Variants in NTM observed in about 807,000 individuals in gnomAD.
NTM encodes neurotrimin.
A neutral mutation model predicts 42.1 loss-of-function variants in NTM; 13 were observed. The observed-to-expected ratio is 0.31, with a 90% CI of 0.20 to 0.49. The LOEUF (loss-of-function observed/expected upper bound fraction) is 0.49. NTM is among the 20% of genes least tolerant of loss of function. The pLI is 0.99. For missense variants in NTM, 373 were observed against 452.8 expected, an observed-to-expected ratio of 0.82 and a Z score of 1.60; for synonymous variants, 187 against 179.2, an observed-to-expected ratio of 1.04 and a Z score of -0.35.
chr11:131,506,015 G>A (rs2047445902), intron 1 of NTM, among the ~76,000 whole-genome samples: 1 of 152,106 alleles, frequency 6.6e-6, no homozygotes, highest in Non-Finnish European at 1.5e-5. Flanking sequence ...AAGCCTGTTG[G>A]TGTTTCTGTC....
chr11:132,246,742 G>A (rs564708226), intron 4 of NTM, among the ~76,000 whole-genome samples: 3 of 152,168 alleles, frequency 2.0e-5, no homozygotes, highest in East Asian at 1.9e-4. Context: ...GTTATAGCTC[G>A]GGAAGGCATC....
rs151052783 is a variant in NTM, at chr11:132,003,442, C to T, written c.167+91794C>T. ...TAAATTTTATGTAGAGACAGACTGT[C>T]CTTATATTTCCCAGGCTGCTCTTGA... On this transcript the variant is annotated intron_variant, in intron 2 of 8. Coordinates refer to ENST00000683400, the MANE Select transcript of NTM (RefSeq NM_001352005.2). The surrounding 1 kb of genome is among the most constrained non-coding windows in gnomAD (Gnocchi z 6.0). Among the ~76,000 whole-genome samples, 55 of 152,092 alleles carry T rather than the reference C, an allele frequency of 3.6e-4. No homozygotes were observed. Among genetic ancestry groups the T allele is most frequent in the African/African-American group, 1.2e-3 (50 of 41,498 alleles).
At chr11:131,635,495 GATA>G (rs1308344551) in intron 1 of NTM, among the ~76,000 whole-genome samples, 1 of 152,166 alleles carries the variant, frequency 6.6e-6, no homozygotes, top group South Asian at 2.1e-4. Flanking sequence ...TATAAAGAAA[GATA>G]ATGTTTTTGT....
intron 1 of NTM, among the ~76,000 whole-genome samples, chr11:131,514,093 C>T (rs749047600): frequency 4.6e-5 from 7 of 152,052 alleles, no homozygotes; most frequent in Non-Finnish European, 8.8e-5. Flanking sequence ...TCGCTAATGT[C>T]CCAGGGGAGA....
At chr11:131,893,768 C>T (rs566372733) in intron 1 of NTM, among the ~76,000 whole-genome samples, 1 of 152,258 alleles carries the variant, frequency 6.6e-6, no homozygotes, top group South Asian at 2.1e-4. Flanking sequence ...CAATGGCCTC[C>T]AGGACCCAGG....
chr11:131,738,609 T>C (rs2080791932), intron 1 of NTM, among the ~76,000 whole-genome samples: 1 of 152,198 alleles, frequency 6.6e-6, no homozygotes, highest in Non-Finnish European at 1.5e-5. Flanking sequence ...CTAACTTTCA[T>C]AGTCAATTCT....
chr11:132,109,943 G>C (rs2062939533), intron 2 of NTM, among the ~76,000 whole-genome samples: 1 of 152,088 alleles, frequency 6.6e-6, no homozygotes, highest in African/African-American at 2.4e-5. Flanking sequence ...CCCCTCTTCT[G>C]TCCCCCAGTC....
intron 1 of NTM, among the ~76,000 whole-genome samples, chr11:131,600,405 A>G (rs1337036225): frequency 2.6e-5 from 4 of 152,192 alleles, no homozygotes; most frequent in Non-Finnish European, 1.5e-5. Flanking sequence ...TGTCCTGTCT[A>G]TAGGAAAATG....
chr11:131,634,781 G>T (rs1157934719), intron 1 of NTM, among the ~76,000 whole-genome samples: 3 of 151,972 alleles, frequency 2.0e-5, no homozygotes, highest in African/African-American at 7.3e-5. Context: ...TTGTAAAATG[G>T]GTTTAATAAT....
chr11:131,456,734 C>T (rs1352309699), intron 1 of NTM, among the ~76,000 whole-genome samples: 2 of 152,178 alleles, frequency 1.3e-5, no homozygotes, highest in Admixed American at 1.3e-4. Context: ...CTTGTGCATG[C>T]CTACATTTTG....
Position 131,841,220 on chromosome 11 carries a change from T to C in NTM, c.83-70344T>C, listed in dbSNP as rs890868177. On this transcript the variant is annotated intron_variant, in intron 1 of 8. Transcript: ENST00000683400. ...TAGCTATAATAAATTGTAATAATTC[T>C]ATAATTGAGTTATACTTATTGTTTG... Among the ~76,000 whole-genome samples the C allele has an allele frequency of 7.2e-5, 11 of 152,226 alleles. No individual in the cohort carries two copies. In the East Asian group the frequency reaches 1.9e-3, roughly 27 times the overall value.
intron 1 of NTM, among the ~76,000 whole-genome samples, chr11:131,499,121 C>A (rs1227711304): frequency 6.6e-6 from 1 of 152,152 alleles, no homozygotes; most frequent in Non-Finnish European, 1.5e-5. Context: ...ACATTATGAC[C>A]ACTAAGCGGG....
At chr11:131,636,862 T>C (rs138487585) in intron 1 of NTM, among the ~76,000 whole-genome samples, 33 of 152,308 alleles carry the variant, frequency 2.2e-4, no homozygotes, top group African/African-American at 7.7e-4. Context: ...ATGTTAGCTT[T>C]CTCCTTAACT....
chr11:132,266,171 G>C (rs921016361), intron 4 of NTM, among the ~76,000 whole-genome samples: 1 of 152,166 alleles, frequency 6.6e-6, no homozygotes, highest in Non-Finnish European at 1.5e-5. Context: ...CTGCACTTCA[G>C]GACAGTCTTT....
chr11:131,768,779 C>T lies in NTM; in HGVS notation c.83-142785C>T, dbSNP rs192343071. Reference sequence around the variant, plus strand: ...TGGGAACTCTATTGTTATTATTATTCGTTGCTATAGCAAAAGTGGAAGCAT... The same window carrying T: ...TGGGAACTCTATTGTTATTATTATTTGTTGCTATAGCAAAAGTGGAAGCAT... On this transcript the variant is annotated intron_variant, in intron 1 of 8. Coordinates refer to ENST00000683400, the MANE Select transcript of NTM (RefSeq NM_001352005.2). 5.7e-4 allele frequency among the ~76,000 whole-genome samples: 87 copies of T among 152,234 alleles called. 1 individual carries two copies. Among genetic ancestry groups the T allele is most frequent in the Admixed American group, 1.7e-3 (26 of 15,294 alleles).
At chr11:131,406,350 A>G (rs1373668071) in intron 1 of NTM, among the ~76,000 whole-genome samples, 2 of 152,192 alleles carry the variant, frequency 1.3e-5, no homozygotes, top group Non-Finnish European at 2.9e-5. Flanking sequence ...CTTTCTGGTC[A>G]CTTATTAATT....
At chr11:131,851,123 A>G (rs2045484093) in intron 1 of NTM, among the ~76,000 whole-genome samples, 1 of 152,150 alleles carries the variant, frequency 6.6e-6, no homozygotes, top group Non-Finnish European at 1.5e-5. Flanking sequence ...TGTCTAAAGG[A>G]GAGTATTATG....
intron 1 of NTM, among the ~76,000 whole-genome samples, chr11:131,790,865 A>AAC (rs1181336469): frequency 6.6e-6 from 1 of 152,210 alleles, no homozygotes; most frequent in Non-Finnish European, 1.5e-5. Flanking sequence ...AGAAAAGAGA[A>AAC]ACATTCAGAT....
chr11:131,471,720 G>T (rs893704414), intron 1 of NTM, among the ~76,000 whole-genome samples: 1 of 152,258 alleles, frequency 6.6e-6, no homozygotes, highest in East Asian at 1.9e-4. Context: ...AAAGGCAAAT[G>T]CTTACTCCAG....
Sources: gnomAD v4.1 joint callset for allele counts (sites outside exome capture counted in the v4.1 genomes callset) on GRCh38, gnomAD v4.1.1 for gene constraint, Gnocchi (gnomAD v3.1) non-coding constraint, MANE v1.5 for transcripts, NCBI Gene and HGNC (gene_info 2026-07-23, HGNC 2026-07-21) for gene names.